Variants in ZNF527 observed in about 807,000 individuals in gnomAD.
The protein encoded by ZNF527 is zinc finger protein 527.
A neutral mutation model predicts 13.5 loss-of-function variants in ZNF527; 5 were observed. The observed-to-expected ratio is 0.37, with a 90% CI of 0.19 to 0.78. The LOEUF (loss-of-function observed/expected upper bound fraction) is 0.78. ZNF527 is among the 30% of genes least tolerant of loss of function. The pLI is 0.48. For missense variants in ZNF527, 628 were observed against 726.4 expected (o/e 0.86, Z 1.56); for synonymous variants, 209 against 243.1 (o/e 0.86, Z 1.30).
intron 2 of ZNF527, among the ~76,000 whole-genome samples, chr19:37,375,282 CTT>C (rs748166838): frequency 7.9e-6 from 1 of 127,252 alleles, no homozygotes; most frequent in African/African-American, 3.2e-5. Context: ...TTCTTTCTTT[CTT>C]TCTTTCTTTC....
At chr19:37,385,619 AAATCCTTATGG>A (rs1179362199) in intron 4 of ZNF527, 2 of 324,542 alleles carry the variant, frequency 6.2e-6, no homozygotes, top group African/African-American at 4.2e-5. Context: ...TTCTGAAATA[AAATCCTTATGG>A]AATTCTGGTT....
intron 1 of ZNF527, among the ~76,000 whole-genome samples, chr19:37,372,467 CTTTTTTTTTT>C (rs1022024971): frequency 1.5e-5 from 1 of 65,646 alleles, no homozygotes; most frequent in Non-Finnish European, 2.6e-5. Context: ...CTTTTCTTTT[CTTTTTTTTTT>C]TTTTTTTTTT....
At position 37,389,838 on chromosome 19, in the gene ZNF527, C is replaced by A; in HGVS notation, c.1789C>A (p.Leu597Ile). 1 of 1,609,806 alleles carries A rather than the reference C, an allele frequency of 6.2e-7. No homozygotes were observed. Reference sequence around the variant, plus strand: ...GAATAATTTTAGCTGTGTCTCAGCCCTTAGACGACATCAGAGAATTCATAA... The same window carrying A: ...GAATAATTTTAGCTGTGTCTCAGCCATTAGACGACATCAGAGAATTCATAA... ...CGNNFSCVSA[L>I]RRHQRIHNRE... Residue 597 changes from leucine (L) to isoleucine (I), a missense_variant, in exon 5 of 5, where the codon CTT becomes ATT. Leu to Ile is a conservative substitution (Grantham distance 5, BLOSUM62 2). Around this residue, in one of 3 missense-constraint regions of ZNF527, gnomAD observed 592 missense variants for 678.0 expected, o/e 0.87. Transcript: ENST00000436120.
rs953062059 is a variant in ZNF527 at position 37,372,471 on chromosome 19, T to C, written c.-42+1245T>C. Among the ~76,000 whole-genome samples the C allele has an allele frequency of 1.2e-4, 16 of 131,248 alleles. No homozygotes were observed. In the South Asian group the frequency reaches 1.9e-3, roughly 16 times the overall value. The allele number at this position is 131,248 out of a possible 152,430, so 86.1% of individuals were successfully genotyped here. A position where few individuals can be genotyped will look rare whatever the true frequency, so the allele number is the denominator to read the frequency against. ...TCTTTTCTTTTCTTTTCTTTTCTTT[T>C]TTTTTTTTTTTTTTTTTTTGAGACA... is the stretch of plus-strand genomic sequence containing the variant. On this transcript the variant is annotated intron_variant, in intron 1 of 4. Coordinates refer to ENST00000436120, the MANE Select transcript of ZNF527 (RefSeq NM_032453.2).
In ZNF527 at chr19:37,379,260, TC is replaced by T; in HGVS notation, c.160+19del. ...TGGTATGGCTTGGTAAGGATGTTTC[TC>T]CCCCATAATTTAAAAATCTTCCTCT... On this transcript the variant is annotated intron_variant, in intron 3 of 4. Transcript: ENST00000436120. The T allele has an allele frequency of 3.2e-6, 5 of 1,571,770 alleles. No individual in the cohort carries two copies. Among genetic ancestry groups the T allele is most frequent in the Non-Finnish European group, 4.3e-6 (5 of 1,163,526 alleles).
At position 37,380,344 on chromosome 19, in the gene ZNF527, G is replaced by T; in HGVS notation, c.228G>T (p.Glu76Asp). ...LEQGKEPWMV[E>D]RKMSQGHCAD... ...AAGGGAAGGAACCGTGGATGGTGGA[G>T]AGAAAGATGTCACAGGGTCACTGTG... is the stretch of plus-strand genomic sequence containing the variant. The change falls in exon 4 of 5, where the codon GAG (glutamate) becomes GAT (aspartate). Residue 76 changes from glutamate to aspartate, a missense_variant. Physicochemically the swap from Glu to Asp is conservative, Grantham distance 45. Around this residue, in one of 3 missense-constraint regions of ZNF527, gnomAD observed 592 missense variants for 678.0 expected, o/e 0.87. Coordinates refer to ENST00000436120, the MANE Select transcript of ZNF527 (RefSeq NM_032453.2). 1 of 1,614,046 alleles carries T rather than the reference G, an allele frequency of 6.2e-7. No homozygotes were observed. The highest frequency in any genetic ancestry group is 1.1e-5 in the South Asian group (1 of 91,082).
chr19:37,380,061 C>A, intron 3 of ZNF527: 2 of 827,530 alleles, frequency 2.4e-6, no homozygotes, highest in Non-Finnish European at 3.4e-6. Flanking sequence ...ATGGCTGCAG[C>A]TGCTGTAGCA....
At chr19:37,374,532 G>T (rs145048238) in intron 2 of ZNF527, among the ~76,000 whole-genome samples, 1 of 152,204 alleles carries the variant, frequency 6.6e-6, no homozygotes, top group Non-Finnish European at 1.5e-5. Flanking sequence ...GGGAGGTCAA[G>T]GATGGCCTCT....
intron 4 of ZNF527, among the ~76,000 whole-genome samples, chr19:37,381,099 A>G (rs961846220): frequency 1.3e-5 from 2 of 152,114 alleles, no homozygotes; most frequent in African/African-American, 4.8e-5. Flanking sequence ...CATTTATTTT[A>G]TTATGGCCAT....
chr19:37,385,542 T>C (rs965373798), intron 4 of ZNF527: 120 of 391,412 alleles, frequency 3.1e-4, no homozygotes, highest in Middle Eastern at 1.9e-3. Context: ...GTTCTTTTTT[T>C]GTTCATAATT....
chr19:37,385,054 G>T, intron 4 of ZNF527: 1 of 617,236 alleles, frequency 1.6e-6, no homozygotes, highest in Non-Finnish European at 3.0e-6. Context: ...TAGCACTCCT[G>T]GGCTCAAGCG....
chr19:37,374,127 C>A, intron 1 of ZNF527, 31 bp from the exon 2 acceptor site: 1 of 1,474,008 alleles, frequency 6.8e-7, no homozygotes, highest in African/African-American at 1.4e-5. Context: ...GCTGGCACAT[C>A]ATCATTTCTT....
At position 37,392,357 on chromosome 19, in the gene ZNF527, G is replaced by A. The variant is rs1250886460; in HGVS notation, c.*2478G>A. The A allele has an allele frequency of 6.6e-6, 1 of 152,096 alleles. No individual in the cohort carries two copies. The highest frequency in any genetic ancestry group is 1.5e-5 in the Non-Finnish European group (1 of 68,020). The allele number at this position is 152,096 out of a possible 1,614,324, so 9.4% of individuals were successfully genotyped here. A position where few individuals can be genotyped will look rare whatever the true frequency, so the allele number is the denominator to read the frequency against. On this transcript the variant is annotated 3_prime_UTR_variant, in exon 5 of 5. Coordinates refer to ENST00000436120, the MANE Select transcript of ZNF527 (RefSeq NM_032453.2). ...GAAGAATGACTCAGATCAGTAAGAA[G>A]AGTCTGAGTTACTCACTAATTGATT...
At position 37,388,527 on chromosome 19, in the gene ZNF527, A is replaced by G. The variant is rs770232615; in HGVS notation, c.478A>G (p.Lys160Glu). Reference protein sequence around the residue: ...VTAVKEISTGKRDNEFSNSGR... With the variant: ...VTAVKEISTGERDNEFSNSGR... Reference sequence around the variant, plus strand: ...AGCTGTTAAGGAAATCTCTACTGGGAAAAGAGACAATGAATTTAGTAATTC... The same window carrying G: ...AGCTGTTAAGGAAATCTCTACTGGGGAAAGAGACAATGAATTTAGTAATTC... Residue 160 changes from lysine to glutamate, a missense_variant, in exon 5 of 5, where the codon AAA becomes GAA. Physicochemically the swap from Lys to Glu is moderately conservative, Grantham distance 56. This residue lies in a region of ZNF527 where 592 missense variants were observed against 678.0 expected (regional missense o/e 0.87). Transcript: ENST00000436120. 5.0e-6 allele frequency: 8 copies of G among 1,614,160 alleles called. No individual in the cohort carries two copies. The Middle Eastern group carries it at 6.6e-4, about 133-fold the overall frequency.
intron 2 of ZNF527, 76 bp downstream of exon 2, chr19:37,374,307 C>A: frequency 7.1e-7 from 1 of 1,399,872 alleles, no homozygotes. Context: ...GGGAAAATCA[C>A]AAATAGCCCA....
intron 2 of ZNF527, among the ~76,000 whole-genome samples, chr19:37,376,624 A>C (rs1046973505): frequency 6.7e-6 from 1 of 149,040 alleles, no homozygotes; most frequent in South Asian, 2.2e-4. Context: ...CAGTGAGCCA[A>C]GATCGCGCCA....
At chr19:37,385,386 G>A (rs2146819215) in intron 4 of ZNF527, 1 of 399,058 alleles carries the variant, frequency 2.5e-6, no homozygotes, top group Non-Finnish European at 4.4e-6. Context: ...TGCTGTAAGT[G>A]TGTTTCTCTT....
At chr19:37,386,747 A>G (rs887938975) in intron 4 of ZNF527, among the ~76,000 whole-genome samples, 14 of 152,276 alleles carry the variant, frequency 9.2e-5, no homozygotes, top group Non-Finnish European at 1.9e-4. Context: ...GTCTTCTCCC[A>G]TCAGGCTTCT....
chr19:37,375,197 C>T (rs1414213304), intron 2 of ZNF527, among the ~76,000 whole-genome samples: 1 of 152,006 alleles, frequency 6.6e-6, no homozygotes, highest in East Asian at 1.9e-4. Flanking sequence ...GATTATACAT[C>T]TGGAGTTCAG....
Sources: gnomAD v4.1 joint callset for allele counts (sites outside exome capture counted in the v4.1 genomes callset) on GRCh38, gnomAD v4.1.1 for gene constraint, gnomAD v4.1.1 regional missense constraint, MANE v1.5 for transcripts, NCBI Gene and HGNC (gene_info 2026-07-23, HGNC 2026-07-21) for gene names.